EFCAB6: variants seen among roughly 807,000 people sequenced by gnomAD.
EFCAB6 encodes EF-hand calcium-binding domain-containing protein 6.
EFCAB6 carries 156 observed loss-of-function variants against 169.8 expected under a neutral mutation model. The ratio of observed to expected loss-of-function variants is 0.92; its 90% CI spans 0.81 to 1.05. EFCAB6 has a LOEUF of 1.05. EFCAB6 is among the 50% of genes least tolerant of loss of function. EFCAB6 has a pLI of 0.00. For synonymous variants in EFCAB6, 698 were observed against 676.4 expected (o/e 1.03, Z -0.50); for missense variants, 1,800 against 1,829.1 (o/e 0.98, Z 0.29).
chr22:43,775,952 A>C (rs1227485130), intron 3 of EFCAB6, among the ~76,000 whole-genome samples: 1 of 152,242 alleles, frequency 6.6e-6, no homozygotes, highest in Non-Finnish European at 1.5e-5. Context: ...GCTGGACTGC[A>C]TAGAGCAGAG....
chr22:43,625,548 T>C (rs1232895160), intron 20 of EFCAB6, among the ~76,000 whole-genome samples: 1 of 151,818 alleles, frequency 6.6e-6, no homozygotes, highest in African/African-American at 2.4e-5. Flanking sequence ...CTTCAAGGAG[T>C]GTACGTGCTC....
intron 13 of EFCAB6, among the ~76,000 whole-genome samples, chr22:43,674,001 C>T (rs1194012820): frequency 6.6e-6 from 1 of 151,232 alleles, no homozygotes; most frequent in Admixed American, 6.6e-5. Flanking sequence ...TATGGTCTTG[C>T]TTTTAAATAA....
At chr22:43,622,860 G>C (rs143820716) in intron 20 of EFCAB6, among the ~76,000 whole-genome samples, 1,993 of 152,298 alleles carry the variant, frequency 0.013, 20 homozygotes, top group Non-Finnish European at 0.018. Flanking sequence ...TCTTGCGGCA[G>C]TGCCCAAAGT....
At chr22:43,718,067 T>TCCATCCAC (rs2059397108) in intron 8 of EFCAB6, among the ~76,000 whole-genome samples, 1 of 151,010 alleles carries the variant, frequency 6.6e-6, no homozygotes, top group African/African-American at 2.4e-5. Context: ...CATCCACCCA[T>TCCATCCAC]CCATCCATCC....
At chr22:43,733,635 G>C (rs1245046933) in intron 7 of EFCAB6, among the ~76,000 whole-genome samples, 1 of 152,140 alleles carries the variant, frequency 6.6e-6, no homozygotes, top group Non-Finnish European at 1.5e-5. Flanking sequence ...GCCCTACTAT[G>C]TGCAAGCGCA....
intron 17 of EFCAB6, among the ~76,000 whole-genome samples, chr22:43,642,465 A>T (rs1053809081): frequency 2.0e-5 from 3 of 151,320 alleles, no homozygotes; most frequent in African/African-American, 7.3e-5. Flanking sequence ...CATACCAGGG[A>T]TCCCTCATCT....
Position 43,678,144 on chromosome 22 carries a change from G to A in EFCAB6, c.1271C>T (p.Thr424Ile). 6.3e-7 allele frequency: 1 copy of A among 1,584,504 alleles called. No individual in the cohort carries two copies. Among genetic ancestry groups the A allele is most frequent in the Non-Finnish European group, 8.6e-7 (1 of 1,164,314 alleles). ...IINTKPDGPI[T>I]REEFRYILNC... ...TAGAATATATCGAAATTCTTCTCTTGTTATCGGTCCATCGGGTTTCTGAGC... is the reference window on the plus strand; with the variant it reads ...TAGAATATATCGAAATTCTTCTCTTATTATCGGTCCATCGGGTTTCTGAGC... The change falls in exon 13 of 32, where the codon ACA becomes ATA. Residue 424 changes from threonine (T) to isoleucine (I), a missense_variant. By Grantham distance (89) the Thr-to-Ile change is moderately conservative. Coordinates refer to ENST00000262726, the MANE Select transcript of EFCAB6 (RefSeq NM_022785.4).
intron 28 of EFCAB6, among the ~76,000 whole-genome samples, chr22:43,539,108 A>T (rs528488733): frequency 6.6e-6 from 1 of 152,108 alleles, no homozygotes; most frequent in Non-Finnish European, 1.5e-5. Context: ...TTAAAGACCC[A>T]TGTGATTACC....
intron 3 of EFCAB6, 59 bp from the exon 4 acceptor site, chr22:43,773,162 A>G: frequency 6.5e-7 from 1 of 1,544,072 alleles, no homozygotes; most frequent in Non-Finnish European, 8.9e-7. Context: ...CTAAACAGAA[A>G]CTCTTGCACT....
At chr22:43,672,327 T>C in intron 13 of EFCAB6, 22 bp from the exon 14 acceptor site, 1 of 1,612,332 alleles carries the variant, frequency 6.2e-7, no homozygotes, top group Non-Finnish European at 8.5e-7. Context: ...AGAGAAAGTA[T>C]ATAAATAAAT....
intron 13 of EFCAB6, among the ~76,000 whole-genome samples, chr22:43,672,808 T>C (rs1009952156): frequency 6.6e-6 from 1 of 152,096 alleles, no homozygotes; most frequent in South Asian, 2.1e-4. Flanking sequence ...AAATAATCTG[T>C]ACAATAAACC....
chr22:43,649,544 T>C (rs1359192030), intron 17 of EFCAB6, among the ~76,000 whole-genome samples: 2 of 152,160 alleles, frequency 1.3e-5, no homozygotes, highest in African/African-American at 2.4e-5. Context: ...CTGGCATCCA[T>C]TCCATACAAA....
At chr22:43,782,424 G>A in intron 2 of EFCAB6, 99 bp from the exon 3 acceptor site, 2 of 1,051,802 alleles carry the variant, frequency 1.9e-6, no homozygotes, top group South Asian at 3.2e-5. Context: ...GACAGCTGCA[G>A]AGTGTAAAAA....
intron 27 of EFCAB6, chr22:43,540,602 A>C: frequency 1.4e-6 from 2 of 1,427,316 alleles, no homozygotes; most frequent in Non-Finnish European, 1.8e-6. Context: ...TTTTAATTGA[A>C]TTGGGCCCTC....
At chr22:43,563,681 G>A (rs1446877009) in intron 26 of EFCAB6, among the ~76,000 whole-genome samples, 2 of 152,358 alleles carry the variant, frequency 1.3e-5, no homozygotes, top group East Asian at 1.9e-4. Context: ...TGCTGCTGGT[G>A]ATTACAGATA....
At chr22:43,738,162 ACT>A (rs2060230318) in intron 6 of EFCAB6, among the ~76,000 whole-genome samples, 1 of 150,856 alleles carries the variant, frequency 6.6e-6, no homozygotes, top group East Asian at 2.0e-4. Context: ...TCACACCATC[ACT>A]CACACACATA....
chr22:43,597,261 CA>C (rs1332320547), intron 23 of EFCAB6, among the ~76,000 whole-genome samples: 1 of 152,120 alleles, frequency 6.6e-6, no homozygotes, highest in Non-Finnish European at 1.5e-5. Flanking sequence ...GGGATTACAT[CA>C]AGCTGAAAAG....
chr22:43,595,671 GAGA>G (rs1172234852), intron 23 of EFCAB6, among the ~76,000 whole-genome samples: 3 of 152,086 alleles, frequency 2.0e-5, no homozygotes, highest in Non-Finnish European at 4.4e-5. Context: ...CAAACATTTA[GAGA>G]AGAACTAATA....
At chr22:43,640,889 C>A (rs1297094315) in intron 17 of EFCAB6, among the ~76,000 whole-genome samples, 1 of 152,160 alleles carries the variant, frequency 6.6e-6, no homozygotes, top group African/African-American at 2.4e-5. Context: ...CCCAGGAATA[C>A]TTTCTGGGTG....
Sources: allele counts gnomAD v4.1 joint callset (sites outside exome capture counted in the v4.1 genomes callset), GRCh38; gene constraint gnomAD v4.1.1; transcripts MANE v1.5; gene names NCBI Gene and HGNC (gene_info 2026-07-23, HGNC 2026-07-21).